STIM1: variants seen among roughly 807,000 people sequenced by gnomAD.
STIM1 encodes the protein stromal interaction molecule 1.
In STIM1, 25 loss-of-function variants were observed where a neutral mutation model predicts 74.7. The observed-to-expected ratio is 0.33, with a 90% CI of 0.24 to 0.47. STIM1 has a LOEUF of 0.47. Among genes scored for constraint, STIM1 ranks in the 20% least tolerant of loss-of-function variants. STIM1 has a pLI of 1.00. For missense variants in STIM1, 728 were observed against 920.8 expected, an observed-to-expected ratio of 0.79 and a Z score of 2.71; for synonymous variants, 328 against 348.8, an observed-to-expected ratio of 0.94 and a Z score of 0.66.
chr11:3,857,419 T>C lies in STIM1; in HGVS notation c.139+1010T>C, dbSNP rs189009312. On this transcript the variant is annotated intron_variant, in intron 1 of 12. Transcript: ENST00000526596. ...ACAAGAGCCACTGGGCCTGGCTAAC[T>C]TTTTTTTTCTTTCTATTTTTAATTT... Among the ~76,000 whole-genome samples, 763 of 151,314 alleles carry C rather than the reference T, an allele frequency of 5.0e-3. 4 individuals carry two copies. Among genetic ancestry groups the C allele is most frequent in the African/African-American group, 0.017 (709 of 41,238 alleles).
intron 2 of STIM1, among the ~76,000 whole-genome samples, chr11:3,991,526 T>C (rs2093611185): frequency 6.6e-6 from 1 of 152,140 alleles, no homozygotes; most frequent in Non-Finnish European, 1.5e-5. Context: ...CTATTGTGAA[T>C]AGTGCTGCAG....
chr11:3,865,100 G>T (rs1590504950), intron 1 of STIM1, among the ~76,000 whole-genome samples: 2 of 152,290 alleles, frequency 1.3e-5, no homozygotes, highest in Middle Eastern at 3.4e-3. Context: ...CTGAGAGTTA[G>T]ATTTGTAGAT....
intron 1 of STIM1, chr11:3,868,406 A>T (rs1194602573): frequency 6.6e-6 from 1 of 152,066 alleles, no homozygotes; most frequent in Admixed American, 6.6e-5. Context: ...ACTTAAGGTC[A>T]TTTTCCCAAG....
intron 1 of STIM1, among the ~76,000 whole-genome samples, chr11:3,955,142 T>G (rs2093195635): frequency 6.6e-6 from 1 of 152,210 alleles, no homozygotes; most frequent in African/African-American, 2.4e-5. Flanking sequence ...TACTGATGAT[T>G]CCATTTAATT....
intron 1 of STIM1, chr11:3,903,728 C>G (rs1351760809): frequency 6.6e-6 from 1 of 152,112 alleles, no homozygotes; most frequent in Non-Finnish European, 1.5e-5. Flanking sequence ...GGGGAGTATC[C>G]CCTGTTAGGA....
At chr11:3,955,556 G>T (rs1049697328) in intron 1 of STIM1, among the ~76,000 whole-genome samples, 2 of 152,016 alleles carry the variant, frequency 1.3e-5, no homozygotes, top group East Asian at 3.8e-4. Context: ...TATTTCAGTG[G>T]TAGTTACATG....
At chr11:3,995,273 T>C (rs1028257276) in intron 2 of STIM1, among the ~76,000 whole-genome samples, 1 of 152,182 alleles carries the variant, frequency 6.6e-6, no homozygotes, top group African/African-American at 2.4e-5. Flanking sequence ...TTTTTGATAA[T>C]ATATTGTAGC....
At chr11:4,057,951 A>T (rs2094303793) in intron 4 of STIM1, among the ~76,000 whole-genome samples, 1 of 152,062 alleles carries the variant, frequency 6.6e-6, no homozygotes, top group South Asian at 2.1e-4. Context: ...GAGGTATTGT[A>T]TGTAAAGTAT....
chr11:3,994,679 T>C (rs890481701), intron 2 of STIM1, among the ~76,000 whole-genome samples: 4 of 152,006 alleles, frequency 2.6e-5, no homozygotes, highest in African/African-American at 9.7e-5. Flanking sequence ...AGGCTGGTCT[T>C]TAACTCCTGG....
chr11:4,007,006 G>A (rs943794927), intron 2 of STIM1, among the ~76,000 whole-genome samples: 1 of 152,106 alleles, frequency 6.6e-6, no homozygotes, highest in African/African-American at 2.4e-5. Context: ...AGCTGGCTGG[G>A]CCTATTTTGT....
At chr11:4,032,998 G>A (rs960871104) in intron 3 of STIM1, among the ~76,000 whole-genome samples, 37 of 152,074 alleles carry the variant, frequency 2.4e-4, no homozygotes, top group Admixed American at 1.8e-3. Context: ...TAGGTCTAAC[G>A]TTTAAGTCTT....
At position 4,074,797 on chromosome 11, in the gene STIM1, C is replaced by G. The variant is rs544875913; in HGVS notation, c.969+118C>G. ...TGAAATATGATCCAAAGACTATGTT[C>G]TAGAGTCACTGGACTCTTACCAACA... On this transcript the variant is annotated intron_variant, in intron 7 of 12. Transcript: ENST00000526596. 1.9e-4 allele frequency: 216 copies of G among 1,148,930 alleles called. 1 individual carries two copies. Among genetic ancestry groups the G allele is most frequent in the Non-Finnish European group, 2.6e-4 (209 of 805,864 alleles). The allele number at this position is 1,148,930 out of a possible 1,614,324, so 71.2% of individuals were successfully genotyped here.
intron 3 of STIM1, among the ~76,000 whole-genome samples, chr11:4,031,532 A>G (rs1294978134): frequency 1.3e-5 from 2 of 152,202 alleles, no homozygotes; most frequent in Non-Finnish European, 2.9e-5. Context: ...CAGTTCTTCC[A>G]TATCTTTACA....
intron 1 of STIM1, among the ~76,000 whole-genome samples, chr11:3,948,881 C>G (rs764823469): frequency 6.6e-6 from 1 of 152,096 alleles, no homozygotes; most frequent in African/African-American, 2.4e-5. Flanking sequence ...AGGCTAGACA[C>G]GAATGCAAAT....
chr11:3,986,679 C>T (rs538946489), intron 2 of STIM1, among the ~76,000 whole-genome samples: 21 of 151,896 alleles, frequency 1.4e-4, no homozygotes, highest in African/African-American at 3.4e-4. Context: ...GGGAACTTAA[C>T]GAGTAAAGGC....
At chr11:4,061,586 G>A (rs549454632) in intron 5 of STIM1, among the ~76,000 whole-genome samples, 3 of 152,256 alleles carry the variant, frequency 2.0e-5, no homozygotes, top group African/African-American at 7.2e-5. Flanking sequence ...ATAGTCTGGT[G>A]GTTTCTCAGA....
intron 1 of STIM1, among the ~76,000 whole-genome samples, chr11:3,874,848 GT>G (rs1288413573): frequency 2.6e-5 from 4 of 152,196 alleles, no homozygotes; most frequent in African/African-American, 7.2e-5. Context: ...AAGGGTAAGG[GT>G]TTTGGGCAAA....
intron 1 of STIM1, among the ~76,000 whole-genome samples, chr11:3,940,230 G>T (rs1227178124): frequency 6.6e-6 from 1 of 152,202 alleles, no homozygotes. Context: ...GCCTAGCTCT[G>T]TTAGGTGCTA....
chr11:4,091,456 G>A lies in STIM1; in HGVS notation c.1809G>A (p.Leu603=), dbSNP rs199763448. 6.8e-6 allele frequency: 11 copies of A among 1,614,102 alleles called. No individual in the cohort carries two copies. In the African/African-American group the frequency reaches 1.1e-4, roughly 16 times the overall value. The change falls in exon 13 of 13, where the codon CTG becomes CTA. Residue 603 remains leucine, a synonymous_variant. Transcript: ENST00000526596. ...ACCCAGGGTCTCTGGTGGAGAAACT[G>A]CCTGACAGCCCTGCCCTGGCCAAGA... ...GVHPGSLVEK[L]PDSPALAKKA...
Sources: gnomAD v4.1 joint callset for allele counts (sites outside exome capture counted in the v4.1 genomes callset) on GRCh38, gnomAD v4.1.1 for gene constraint, MANE v1.5 for transcripts, NCBI Gene and HGNC (gene_info 2026-07-23, HGNC 2026-07-21) for gene names.